The following PCDHGA9 variants were observed in gnomAD, a reference collection of about 807,000 sequenced individuals.
The protein encoded by PCDHGA9 is protocadherin gamma subfamily A, 9.
PCDHGA9 carries 37 observed loss-of-function variants against 62.5 expected under a neutral mutation model. That is an observed-to-expected ratio of 0.59 (90% CI 0.46 to 0.78). The LOEUF is 0.78. Among genes scored for constraint, PCDHGA9 ranks in the 30% least tolerant of loss-of-function variants. PCDHGA9 has a pLI of 0.00. For synonymous variants in PCDHGA9, 459 were observed against 484.6 expected (o/e 0.95, Z 0.69); for missense variants, 1,138 against 1,166.2 (o/e 0.98, Z 0.35).
chr5:141,431,726 G>C lies in PCDHGA9; in HGVS notation c.2424+26350G>C. On this transcript the variant is annotated intron_variant, in intron 1 of 3. Coordinates refer to ENST00000573521, the MANE Select transcript of PCDHGA9 (RefSeq NM_018921.3). The surrounding 1 kb of genome is among the most constrained non-coding windows in gnomAD (Gnocchi z 4.8). ...CTACCAGATGGAAGTGCAAGCAATG[G>C]ATAATGCAGGATATTCTGCGCGAGC... The C allele has an allele frequency of 6.2e-7, 1 of 1,614,204 alleles. No homozygotes were observed. Among genetic ancestry groups the C allele is most frequent in the Non-Finnish European group, 8.5e-7 (1 of 1,180,032 alleles).
chr5:141,405,358 A>G lies in PCDHGA9; in HGVS notation c.2406A>G (p.Glu802=), dbSNP rs567878422. The G allele has an allele frequency of 6.2e-7, 1 of 1,613,900 alleles. No individual in the cohort carries two copies. The highest frequency in any genetic ancestry group is 2.2e-5 in the East Asian group (1 of 44,886). Residue 802 remains glutamate, a synonymous_variant, in exon 1 of 4, where the codon GAA becomes GAG. Transcript: ENST00000573521. ...CTGTTGATTCCAAGTTTCCTATAGA[A>G]GACACCCCTTTGGTTCCGGTGAGTT... ...CVSVDSKFPI[E]DTPLVPQAPP...
rs2099735960 is a variant in PCDHGA9 at position 141,491,997 on chromosome 5, G to A, written c.2425-2810G>A. On this transcript the variant is annotated intron_variant, in intron 1 of 3. Transcript: ENST00000573521. The surrounding 1 kb of genome is among the most constrained non-coding windows in gnomAD (Gnocchi z 6.9). ...CCTTCGAGCTTCCGGTGAATTTCGG[G>A]CGATTTCCGCGGGTGTCGGGGGTCC... The A allele has an allele frequency of 1.5e-6, 1 of 671,074 alleles. No homozygotes were observed. The allele number at this position is 671,074 out of a possible 1,614,324, so 41.6% of individuals were successfully genotyped here.
chr5:141,510,814 CT>C, intron 3 of PCDHGA9, 132 bp from the exon 4 acceptor site: 1 of 1,544,688 alleles, frequency 6.5e-7, no homozygotes, highest in Non-Finnish European at 8.8e-7. Context: ...TTGGTGACCC[CT>C]ATATTCCCAG....
At chr5:141,409,522 G>C in intron 1 of PCDHGA9, 4 of 1,613,992 alleles carry the variant, frequency 2.5e-6, no homozygotes, top group Non-Finnish European at 3.4e-6. Context: ...GCATCACCTT[G>C]TATGTCGCTG....
chr5:141,476,920 A>G lies in PCDHGA9; in HGVS notation c.2425-17887A>G. The G allele has an allele frequency of 6.2e-7, 1 of 1,614,094 alleles. No individual in the cohort carries two copies. The highest frequency in any genetic ancestry group is 1.1e-5 in the South Asian group (1 of 91,088). On this transcript the variant is annotated intron_variant, in intron 1 of 3. Coordinates refer to ENST00000573521, the MANE Select transcript of PCDHGA9 (RefSeq NM_018921.3). This position sits in a 1 kb window ranked among gnomAD's most constrained non-coding sequence, Gnocchi z 7.6. ...GCACGCGCGTGGTACAAGTCCTTGC[A>G]ACGGATCTGGATGAAGGCCCCAACG...
chr5:141,477,705 G>A lies in PCDHGA9; in HGVS notation c.2425-17102G>A, dbSNP rs1285254654. On this transcript the variant is annotated intron_variant, in intron 1 of 3. Coordinates refer to ENST00000573521, the MANE Select transcript of PCDHGA9 (RefSeq NM_018921.3). The surrounding 1 kb of genome is among the most constrained non-coding windows in gnomAD (Gnocchi z 4.9). ...TTAGTGCCCCTAGACTATGAGGATCGGCGGGAATTTGAATTAACAGCTCAT... is the reference window on the plus strand; with the variant it reads ...TTAGTGCCCCTAGACTATGAGGATCAGCGGGAATTTGAATTAACAGCTCAT... The A allele has an allele frequency of 6.2e-7, 1 of 1,614,008 alleles. No homozygotes were observed. Among genetic ancestry groups the A allele is most frequent in the Non-Finnish European group, 8.5e-7 (1 of 1,180,048 alleles).
Position 141,486,587 on chromosome 5 carries a change from G to C in PCDHGA9, c.2425-8220G>C. 6.2e-7 allele frequency: 1 copy of C among 1,613,596 alleles called. No individual in the cohort carries two copies. The highest frequency in any genetic ancestry group is 8.5e-7 in the Non-Finnish European group (1 of 1,180,006). On this transcript the variant is annotated intron_variant, in intron 1 of 3. Transcript: ENST00000573521. The surrounding 1 kb of genome is among the most constrained non-coding windows in gnomAD (Gnocchi z 5.0). ...TGTTCCTGAGAACAATCGCCCAGGG[G>C]ACCTGCTTTGCTCCCTTGCAGCCTC...
chr5:141,481,509 T>C (rs2154578624), intron 1 of PCDHGA9, among the ~76,000 whole-genome samples: 2 of 152,326 alleles, frequency 1.3e-5, no homozygotes, highest in Middle Eastern at 3.4e-3. Context: ...GTATGTGAAT[T>C]ATGTCTCAGT....
In PCDHGA9 at chr5:141,487,765, GC is replaced by G. The variant is rs2099665397; in HGVS notation, c.2425-7041del. The G allele has an allele frequency of 6.5e-7, 1 of 1,541,774 alleles. No individual in the cohort carries two copies. Among genetic ancestry groups the G allele is most frequent in the South Asian group, 1.2e-5 (1 of 83,146 alleles). On this transcript the variant is annotated intron_variant, in intron 1 of 3. Transcript: ENST00000573521. This position sits in a 1 kb window ranked among gnomAD's most constrained non-coding sequence, Gnocchi z 5.0. ...GAGGTAACTATGTGGTAGACGCTGT[GC>G]TTTGTAACTGTTTCGTGAATTAACC...
chr5:141,421,055 C>A, intron 1 of PCDHGA9: 2 of 577,118 alleles, frequency 3.5e-6, no homozygotes, highest in South Asian at 2.4e-5. Flanking sequence ...GCCTCTACCA[C>A]ACAAAGCGGA....
chr5:141,423,170 A>T (rs755141371), intron 1 of PCDHGA9: 1 of 1,613,504 alleles, frequency 6.2e-7, no homozygotes, highest in South Asian at 1.1e-5. Flanking sequence ...GTGGCCGTCC[A>T]GGACCACGGC....
At chr5:141,415,762 T>G (rs1561760360) in intron 1 of PCDHGA9, 16 of 1,399,878 alleles carry the variant, frequency 1.1e-5, no homozygotes, top group East Asian at 5.3e-5. Flanking sequence ...TTTTTTTTTT[T>G]TTTTTTTTTT....
chr5:141,416,031 C>G (rs1301059596), intron 1 of PCDHGA9: 1 of 207,362 alleles, frequency 4.8e-6, no homozygotes, highest in Non-Finnish European at 9.4e-6. Context: ...AGAAAGAAAT[C>G]ACCTCTGGAA....
At chr5:141,510,155 C>G (rs1044168112) in intron 3 of PCDHGA9, among the ~76,000 whole-genome samples, 2 of 151,942 alleles carry the variant, frequency 1.3e-5, no homozygotes, top group African/African-American at 4.8e-5. Context: ...CACCTGTAAT[C>G]TCAGCTACTC....
chr5:141,498,437 G>C (rs996627716), intron 2 of PCDHGA9, among the ~76,000 whole-genome samples: 1 of 152,170 alleles, frequency 6.6e-6, no homozygotes, highest in Non-Finnish European at 1.5e-5. Flanking sequence ...GGGATGAAGA[G>C]GAGAGGTTCC....
chr5:141,511,267 C>G lies in PCDHGA9; in HGVS notation c.*94C>G. The G allele has an allele frequency of 6.5e-7, 1 of 1,549,404 alleles. No homozygotes were observed. The highest frequency in any genetic ancestry group is 8.7e-7 in the Non-Finnish European group (1 of 1,146,836). On this transcript the variant is annotated 3_prime_UTR_variant, in exon 4 of 4. Coordinates refer to ENST00000573521, the MANE Select transcript of PCDHGA9 (RefSeq NM_018921.3). Reference sequence around the variant, plus strand: ...CCAGGCCTCAGAGTTTCAGGGCTAACCCCCAGAATACTGGTAGGGGCCAAG... The same window carrying G: ...CCAGGCCTCAGAGTTTCAGGGCTAAGCCCCAGAATACTGGTAGGGGCCAAG...
chr5:141,454,796 A>ATTTTTTTTTTTTTT lies in PCDHGA9; in HGVS notation c.2425-39995_2425-39982dup, dbSNP rs61612330. ...AAGGAAATAATCCTCCATGGTTCTA[A>ATTTTTTTTTTTTTT]TTTTTTTTTTTTTTTTTTTTTTTTT... On this transcript the variant is annotated intron_variant, in intron 1 of 3. Coordinates refer to ENST00000573521, the MANE Select transcript of PCDHGA9 (RefSeq NM_018921.3). 1.1e-3 allele frequency among the ~76,000 whole-genome samples: 87 copies of ATTTTTTTTTTTTTT among 77,456 alleles called. 11 individuals carry two copies. The highest frequency in any genetic ancestry group is 1.4e-3 in the Admixed American group (8 of 5,554). The allele number at this position is 77,456 out of a possible 152,430, so 50.8% of individuals were successfully genotyped here.
chr5:141,480,578 A>G (rs1343189182), intron 1 of PCDHGA9, among the ~76,000 whole-genome samples: 1 of 133,254 alleles, frequency 7.5e-6, no homozygotes, highest in Admixed American at 7.4e-5. Context: ...GCAAGAAATA[A>G]CTGCCGCTCT....
chr5:141,494,801 C>T lies in PCDHGA9; in HGVS notation c.2425-6C>T, dbSNP rs2099757031. ...CTCAGCCCCTTTCCCTCTGTTTTCTCCACAGCAAGCCCCGCCCAACACGGA... is the reference window on the plus strand; with the variant it reads ...CTCAGCCCCTTTCCCTCTGTTTTCTTCACAGCAAGCCCCGCCCAACACGGA... On this transcript the variant is annotated splice_polypyrimidine_tract_variant and splice_region_variant and intron_variant, in intron 1 of 3. Transcript: ENST00000573521. The T allele has an allele frequency of 6.2e-7, 1 of 1,614,146 alleles. No individual in the cohort carries two copies. The highest frequency in any genetic ancestry group is 2.2e-5 in the East Asian group (1 of 44,880).
Sources: gnomAD v4.1 joint callset for allele counts (sites outside exome capture counted in the v4.1 genomes callset) on GRCh38, gnomAD v4.1.1 for gene constraint, Gnocchi (gnomAD v3.1) non-coding constraint, MANE v1.5 for transcripts, NCBI Gene and HGNC (gene_info 2026-07-23, HGNC 2026-07-21) for gene names.